The following ESRRG variants were observed in gnomAD, a reference collection of about 807,000 sequenced individuals.
ESRRG encodes estrogen related receptor gamma.
Under a neutral mutation model 44.0 loss-of-function variants are expected in ESRRG, and 13 were observed. The observed-to-expected ratio is 0.30, with a 90% CI of 0.19 to 0.47. ESRRG has a LOEUF of 0.47. ESRRG is among the 20% of genes least tolerant of loss of function. ESRRG has a pLI of 1.00. For synonymous variants in ESRRG, 215 were observed against 214.6 expected, an observed-to-expected ratio of 1.00 and a Z score of -0.02; for missense variants, 395 against 580.6, an observed-to-expected ratio of 0.68 and a Z score of 3.29.
At chr1:216,624,960 C>T (rs2062914455) in intron 3 of ESRRG, among the ~76,000 whole-genome samples, 1 of 152,160 alleles carries the variant, frequency 6.6e-6, no homozygotes, top group Non-Finnish European at 1.5e-5. Context: ...CTTTGTTTCT[C>T]TGAAATAATT....
intron 2 of ESRRG, among the ~76,000 whole-genome samples, chr1:216,734,104 A>C (rs1262670496): frequency 6.6e-6 from 1 of 151,558 alleles, no homozygotes; most frequent in Non-Finnish European, 1.5e-5. Context: ...CTTTGCGCTT[A>C]CTGGTCTAAA....
chr1:216,572,663 A>G (rs1573282947), intron 3 of ESRRG, among the ~76,000 whole-genome samples: 1 of 152,088 alleles, frequency 6.6e-6, no homozygotes, highest in Non-Finnish European at 1.5e-5. Flanking sequence ...AAATTATGAA[A>G]AGCACCTCTC....
At chr1:216,759,446 T>A (rs1364297191) in intron 2 of ESRRG, among the ~76,000 whole-genome samples, 1 of 152,068 alleles carries the variant, frequency 6.6e-6, no homozygotes, top group African/African-American at 2.4e-5. Context: ...CACCACATGG[T>A]TTTCCCCCCA....
intron 1 of ESRRG, among the ~76,000 whole-genome samples, chr1:216,720,606 G>T (rs2086038551): frequency 6.6e-6 from 1 of 151,492 alleles, no homozygotes; most frequent in Admixed American, 6.6e-5. Context: ...TTTTCTTTCT[G>T]CCTATTTTAT....
intron 2 of ESRRG, among the ~76,000 whole-genome samples, chr1:216,901,052 G>A (rs941883667): frequency 3.9e-5 from 6 of 152,086 alleles, no homozygotes; most frequent in African/African-American, 1.2e-4. Flanking sequence ...TGCTGCTGGG[G>A]GTTGCTTCTT....
chr1:216,938,480 T>C (rs1005002025), intron 2 of ESRRG, among the ~76,000 whole-genome samples: 1 of 152,180 alleles, frequency 6.6e-6, no homozygotes, highest in African/African-American at 2.4e-5. Flanking sequence ...TTCATTCCAA[T>C]GGACTTCAAA....
chr1:216,886,985 G>A (rs992913897), intron 2 of ESRRG, among the ~76,000 whole-genome samples: 1 of 152,046 alleles, frequency 6.6e-6, no homozygotes, highest in Non-Finnish European at 1.5e-5. Context: ...CAATCCACCC[G>A]CCTCGGTCTC....
chr1:216,942,675 A>AT (rs1449565614), intron 1 of ESRRG, among the ~76,000 whole-genome samples: 3 of 151,992 alleles, frequency 2.0e-5, no homozygotes, highest in African/African-American at 4.8e-5. Context: ...GATGTTGAGC[A>AT]TTTTTTCATA....
At position 216,985,410 on chromosome 1, in the gene ESRRG, A is replaced by T. The variant is rs1158003207; in HGVS notation, c.-105-45737T>A. 2.0e-5 allele frequency among the ~76,000 whole-genome samples: 3 copies of T among 152,236 alleles called. No individual in the cohort carries two copies. The East Asian group carries it at 5.8e-4, about 29-fold the overall frequency. On this transcript the variant is annotated intron_variant, in intron 1 of 7. Transcript: ENST00000359162. ...AATCCAGGCTGGAGAAGGAAGAGGT[A>T]GTACAAGGTTTCTCCAAATATTTCA...
intron 1 of ESRRG, among the ~76,000 whole-genome samples, chr1:217,043,149 G>A (rs2084186701): frequency 6.6e-6 from 1 of 152,086 alleles, no homozygotes. Flanking sequence ...CTGTATAGAT[G>A]CTCAAGTCTT....
chr1:217,061,066 T>C (rs1265601093), intron 1 of ESRRG, among the ~76,000 whole-genome samples: 2 of 152,104 alleles, frequency 1.3e-5, no homozygotes, highest in Non-Finnish European at 2.9e-5. Flanking sequence ...TTGTGCTTTT[T>C]TCCCCCCAAA....
intron 3 of ESRRG, among the ~76,000 whole-genome samples, chr1:216,614,774 T>G (rs772355185): frequency 3.9e-5 from 6 of 152,216 alleles, no homozygotes; most frequent in African/African-American, 7.2e-5. Context: ...TCATGAAACA[T>G]ATTTATACCG....
intron 1 of ESRRG, among the ~76,000 whole-genome samples, chr1:216,985,040 T>G (rs1220975763): frequency 6.6e-6 from 1 of 152,196 alleles, no homozygotes; most frequent in Non-Finnish European, 1.5e-5. Context: ...GGCTCCAGTT[T>G]CAGAATCACG....
intron 2 of ESRRG, among the ~76,000 whole-genome samples, chr1:216,891,016 G>A (rs1482476570): frequency 6.6e-6 from 1 of 152,078 alleles, no homozygotes; most frequent in Non-Finnish European, 1.5e-5. Flanking sequence ...GCTAACATAT[G>A]GGTATCAAGG....
chr1:216,693,541 G>A lies in ESRRG; in HGVS notation c.57-16050C>T, dbSNP rs73092167. On this transcript the variant is annotated intron_variant, in intron 1 of 6. Transcript: ENST00000408911. ...GATGCTCAAGTCCCATATATAAATT[G>A]ATGTAGTATTTGAATACAACCTATG... Among the ~76,000 whole-genome samples, 720 of 152,260 alleles carry A rather than the reference G, an allele frequency of 4.7e-3. 7 individuals carry two copies. The highest frequency in any genetic ancestry group is 0.016 in the African/African-American group (657 of 41,544).
chr1:216,866,548 T>C (rs1046019100), intron 2 of ESRRG, among the ~76,000 whole-genome samples: 10 of 146,654 alleles, frequency 6.8e-5, no homozygotes, highest in Non-Finnish European at 1.0e-4. Context: ...TCTTTATCTT[T>C]CTTTGTTTCT....
chr1:217,036,602 G>T (rs2082935908), intron 1 of ESRRG, among the ~76,000 whole-genome samples: 1 of 152,132 alleles, frequency 6.6e-6, no homozygotes, highest in South Asian at 2.1e-4. Flanking sequence ...TTACAAGTGG[G>T]AGCTAAATGA....
chr1:216,788,491 G>T (rs761589414), intron 2 of ESRRG, among the ~76,000 whole-genome samples: 20 of 152,104 alleles, frequency 1.3e-4, no homozygotes, highest in Non-Finnish European at 2.8e-4. Flanking sequence ...GGCCTTCTTA[G>T]AAAAAGCAGA....
At chr1:216,802,815 A>C (rs1040967715) in intron 2 of ESRRG, among the ~76,000 whole-genome samples, 17 of 152,188 alleles carry the variant, frequency 1.1e-4, no homozygotes, top group Admixed American at 1.1e-3. Context: ...TTCTCAGCAA[A>C]TCTATGAGCT....
Sources: allele counts gnomAD v4.1 joint callset (sites outside exome capture counted in the v4.1 genomes callset), GRCh38; gene constraint gnomAD v4.1.1; transcripts MANE v1.5; gene names NCBI Gene and HGNC (gene_info 2026-07-23, HGNC 2026-07-21).